PBX4: variants seen among roughly 807,000 people sequenced by gnomAD.
PBX4 encodes the protein PBX homeobox 4.
A neutral mutation model predicts 35.1 loss-of-function variants in PBX4; 26 were observed. The ratio of observed to expected loss-of-function variants is 0.74; its 90% CI spans 0.54 to 1.03. The LOEUF is 1.03. Ranked by LOEUF, PBX4 falls within the 50% of genes least tolerant of loss-of-function variation. PBX4 has a pLI of 0.00. For synonymous variants in PBX4, 199 were observed against 204.2 expected, an observed-to-expected ratio of 0.97 and a Z score of 0.22; for missense variants, 448 against 504.3, an observed-to-expected ratio of 0.89 and a Z score of 1.07.
chr19:19,605,509 C>T (rs2061625515), intron 1 of PBX4, among the ~76,000 whole-genome samples: 1 of 151,104 alleles, frequency 6.6e-6, no homozygotes, highest in Non-Finnish European at 1.5e-5. Flanking sequence ...GCCTGTAGTC[C>T]CAGCTACTAG....
Position 19,618,625 on chromosome 19 carries a change from G to C in PBX4, c.5C>G (p.Ala2Gly), listed in dbSNP as rs1279778130. The change falls in exon 1 of 8, where the codon GCC becomes GGC. Residue 2 changes from alanine to glycine, a missense_variant. Coordinates refer to ENST00000251203, the MANE Select transcript of PBX4 (RefSeq NM_025245.3). Reference protein sequence around the residue: MAAPPRPAPSPP... With the variant: MGAPPRPAPSPP... ...CGATGGCGCGGGGCGCGGCGGGGCGGCCATGAGCGGCAGGGCCGGGCGGGC... is the reference window on the plus strand; with the variant it reads ...CGATGGCGCGGGGCGCGGCGGGGCGCCCATGAGCGGCAGGGCCGGGCGGGC... The C allele has an allele frequency of 2.4e-6, 3 of 1,239,404 alleles. No individual in the cohort carries two copies. The highest frequency in any genetic ancestry group is 3.0e-6 in the Non-Finnish European group (3 of 989,826). 76.8% of individuals were successfully genotyped at this position (1,239,404 alleles called of 1,614,324 possible).
At chr19:19,568,156 G>A (rs2061355650) in intron 5 of PBX4, among the ~76,000 whole-genome samples, 1 of 143,920 alleles carries the variant, frequency 6.9e-6, no homozygotes, top group Admixed American at 6.8e-5. Flanking sequence ...GTAACCCTCA[G>A]GGAGCTCACA....
intron 2 of PBX4, among the ~76,000 whole-genome samples, chr19:19,589,585 C>T (rs781741618): frequency 2.7e-4 from 41 of 152,084 alleles, no homozygotes; most frequent in African/African-American, 8.7e-4. Context: ...GCCTGGCCAA[C>T]GCGGTGAAAT....
chr19:19,567,898 G>A (rs1351909423), intron 5 of PBX4, among the ~76,000 whole-genome samples: 1 of 151,172 alleles, frequency 6.6e-6, no homozygotes, highest in Non-Finnish European at 1.5e-5. Flanking sequence ...CCCTCAGGGA[G>A]CTCACACCCC....
intron 2 of PBX4, among the ~76,000 whole-genome samples, 166 bp downstream of exon 2, chr19:19,599,126 G>A (rs751548822): frequency 3.3e-5 from 5 of 151,826 alleles, no homozygotes; most frequent in Non-Finnish European, 7.4e-5. Flanking sequence ...GCGTCACCAC[G>A]CCTGGCTAAT....
intron 5 of PBX4, among the ~76,000 whole-genome samples, chr19:19,568,343 C>T (rs1160164997): frequency 1.4e-5 from 2 of 145,694 alleles, no homozygotes; most frequent in Non-Finnish European, 3.0e-5. Flanking sequence ...AGCTCACACT[C>T]CATCTGTATC....
At chr19:19,587,947 G>A (rs985814576) in intron 2 of PBX4, 1 of 402,124 alleles carries the variant, frequency 2.5e-6, no homozygotes. Flanking sequence ...AGAGGAGGGG[G>A]TGGCAAGCTG....
At chr19:19,577,271 T>C (rs180833902) in intron 2 of PBX4, among the ~76,000 whole-genome samples, 81 of 152,220 alleles carry the variant, frequency 5.3e-4, no homozygotes, top group Non-Finnish European at 9.1e-4. Flanking sequence ...GGGGTATGCA[T>C]TGTACAGCAT....
intron 5 of PBX4, among the ~76,000 whole-genome samples, chr19:19,566,414 TG>T (rs2061342271): frequency 6.6e-6 from 1 of 152,216 alleles, no homozygotes; most frequent in South Asian, 2.1e-4. Context: ...CCTACAGGCA[TG>T]GAGACGTCCA....
intron 1 of PBX4, among the ~76,000 whole-genome samples, chr19:19,606,926 G>A (rs967113482): frequency 2.0e-5 from 3 of 152,120 alleles, no homozygotes; most frequent in Non-Finnish European, 4.4e-5. Flanking sequence ...AGGAGGTGAA[G>A]GTTGCAGTGA....
rs1414746870 is a variant in PBX4 at position 19,563,653 on chromosome 19, C to T, written c.926-38G>A. 7.9e-6 allele frequency: 12 copies of T among 1,519,366 alleles called. No homozygotes were observed. The highest frequency in any genetic ancestry group is 2.4e-5 in the South Asian group (2 of 83,336). 94.1% of individuals were successfully genotyped at this position (1,519,366 alleles called of 1,614,324 possible). ...GGAGCCGGGGTGGGCAGAGTCGTGG[C>T]GCCTCCTCAGGTGGAACCCACCCAG... On this transcript the variant is annotated intron_variant, in intron 6 of 7. Transcript: ENST00000251203. The surrounding 1 kb of genome is among the most constrained non-coding windows in gnomAD (Gnocchi z 5.1).
intron 1 of PBX4, among the ~76,000 whole-genome samples, chr19:19,604,724 C>T (rs900583596): frequency 6.6e-6 from 1 of 151,958 alleles, no homozygotes; most frequent in Non-Finnish European, 1.5e-5. Context: ...CCTCAGCCTC[C>T]TGAGTAGCTG....
intron 2 of PBX4, among the ~76,000 whole-genome samples, chr19:19,577,395 A>T (rs1422909211): frequency 6.6e-6 from 1 of 152,110 alleles, no homozygotes; most frequent in Admixed American, 6.6e-5. Flanking sequence ...GACACCTACA[A>T]AGATGTATTT....
rs2061311121 is a variant in PBX4, at chr19:19,562,170, A to T, written c.1033-53T>A. 3 of 1,407,224 alleles carry T rather than the reference A, an allele frequency of 2.1e-6. No individual in the cohort carries two copies. Among genetic ancestry groups the T allele is most frequent in the Non-Finnish European group, 2.9e-6 (3 of 1,020,720 alleles). 87.2% of individuals were successfully genotyped at this position (1,407,224 alleles called of 1,614,324 possible). On this transcript the variant is annotated intron_variant, in intron 7 of 7. Transcript: ENST00000251203. The surrounding 1 kb of genome is among the most constrained non-coding windows in gnomAD (Gnocchi z 4.8). ...GTGGGTGGCCGTGAGACTGGTGACT[A>T]CCCAGCCCACGTGCTGCAGGCGGAG...
At chr19:19,571,597 G>A (rs778599310) in intron 2 of PBX4, among the ~76,000 whole-genome samples, 13 of 152,080 alleles carry the variant, frequency 8.5e-5, no homozygotes, top group East Asian at 3.9e-4. Context: ...CCCAGGATTC[G>A]TGTCCTGGGA....
In PBX4 at chr19:19,569,552, G is replaced by A. The variant is rs549163642; in HGVS notation, c.665C>T (p.Thr222Met). The A allele has an allele frequency of 3.0e-5, 48 of 1,613,544 alleles. No individual in the cohort carries two copies. In the South Asian group the frequency reaches 4.5e-4, roughly 15 times the overall value. The change falls in exon 5 of 8, where the codon ACG (threonine) becomes ATG (methionine). Residue 222 changes from threonine to methionine, a missense_variant. Transcript: ENST00000251203. ...RKRRNFSKQA[T>M]EVLNEYFYSH... ...GTAAAAATACTCATTCAGCACTTCC[G>A]TCGCCTGCTTGCTGAAATTCCGCCG...
At chr19:19,580,160 C>T (rs1317163638) in intron 2 of PBX4, among the ~76,000 whole-genome samples, 3 of 152,220 alleles carry the variant, frequency 2.0e-5, no homozygotes, top group Admixed American at 6.5e-5. Flanking sequence ...CAAGCATGTC[C>T]GCCTGCCCTC....
chr19:19,563,569 G>A lies in PBX4; in HGVS notation c.972C>T (p.Leu324=), dbSNP rs1009294838. The A allele has an allele frequency of 1.2e-5, 19 of 1,550,454 alleles. No homozygotes were observed. Among genetic ancestry groups the A allele is most frequent in the Admixed American group, 5.9e-5 (3 of 50,982 alleles). ...FPLPSAGDAF[L]TLRTLASLQP... ...GGAGAGAGGCCAGAGTCCGCAGGGT[G>A]AGGAAGGCGTCCCCAGCGCTGGGCA... Residue 324 remains leucine (L), a synonymous_variant, in exon 7 of 8, where the codon CTC becomes CTT. Transcript: ENST00000251203. This position sits in a 1 kb window ranked among gnomAD's most constrained non-coding sequence, Gnocchi z 5.1.
intron 2 of PBX4, among the ~76,000 whole-genome samples, chr19:19,573,330 TAC>T (rs397838081): frequency 0.31 from 40,855 of 133,018 alleles, 6,471 homozygotes; most frequent in Non-Finnish European, 0.34. Context: ...AAAAAAAATA[TAC>T]ACACACACAC....
Sources: allele counts gnomAD v4.1 joint callset (sites outside exome capture counted in the v4.1 genomes callset), GRCh38; gene constraint gnomAD v4.1.1; non-coding constraint Gnocchi (gnomAD v3.1); transcripts MANE v1.5; gene names NCBI Gene and HGNC (gene_info 2026-07-23, HGNC 2026-07-21).